SPOCK3: variants seen among roughly 807,000 people sequenced by gnomAD.
SPOCK3 encodes testican-3.
SPOCK3 carries 30 observed loss-of-function variants against 56.6 expected under a neutral mutation model. That is an observed-to-expected ratio of 0.53 (90% CI 0.40 to 0.72). The LOEUF (loss-of-function observed/expected upper bound fraction) is 0.72. SPOCK3 is among the 30% of genes least tolerant of loss of function. The pLI is 0.00. For missense variants in SPOCK3, 527 were observed against 530.0 expected (o/e 0.99, Z 0.06); for synonymous variants, 196 against 183.3 (o/e 1.07, Z -0.56).
At chr4:167,127,676 C>A (rs1352860104) in intron 2 of SPOCK3, among the ~76,000 whole-genome samples, 2 of 152,164 alleles carry the variant, frequency 1.3e-5, no homozygotes, top group African/African-American at 4.8e-5. Context: ...GATCCACTCA[C>A]CTCGGCCTCC....
At chr4:166,931,305 A>G (rs1739732326) in intron 4 of SPOCK3, among the ~76,000 whole-genome samples, 1 of 149,984 alleles carries the variant, frequency 6.7e-6, no homozygotes, top group Admixed American at 6.6e-5. Context: ...CTATATGCAT[A>G]CAAACACACT....
chr4:166,794,771 T>C (rs943010431), intron 6 of SPOCK3, among the ~76,000 whole-genome samples: 26 of 151,602 alleles, frequency 1.7e-4, no homozygotes, highest in Non-Finnish European at 3.4e-4. Flanking sequence ...GTCTCCTGAG[T>C]AGCTGGGATT....
intron 4 of SPOCK3, among the ~76,000 whole-genome samples, chr4:166,948,520 C>T (rs1478902092): frequency 6.6e-6 from 1 of 152,100 alleles, no homozygotes; most frequent in African/African-American, 2.4e-5. Flanking sequence ...TCCTCACCAA[C>T]ATTTTTTTTT....
intron 8 of SPOCK3, among the ~76,000 whole-genome samples, chr4:166,752,615 T>G (rs558073412): frequency 6.7e-6 from 1 of 148,532 alleles, no homozygotes; most frequent in South Asian, 2.1e-4. Flanking sequence ...CACACACACA[T>G]ATATTTATAG....
At chr4:166,949,261 T>C (rs1478933383) in intron 4 of SPOCK3, among the ~76,000 whole-genome samples, 1 of 152,132 alleles carries the variant, frequency 6.6e-6, no homozygotes, top group Admixed American at 6.5e-5. Context: ...TTTTTCAAAG[T>C]TTTTAACTTC....
chr4:166,909,317 T>C (rs1736993550), intron 5 of SPOCK3, among the ~76,000 whole-genome samples: 1 of 152,100 alleles, frequency 6.6e-6, no homozygotes, highest in African/African-American at 2.4e-5. Flanking sequence ...ATCTTAGTTA[T>C]ATCATTTGGC....
intron 2 of SPOCK3, among the ~76,000 whole-genome samples, chr4:167,162,790 T>C (rs1411418138): frequency 6.6e-6 from 1 of 152,010 alleles, no homozygotes; most frequent in Non-Finnish European, 1.5e-5. Context: ...ATTTTAAATA[T>C]GAGGGTAATT....
At chr4:167,147,205 T>C (rs1487437684) in intron 2 of SPOCK3, among the ~76,000 whole-genome samples, 2 of 151,954 alleles carry the variant, frequency 1.3e-5, no homozygotes, top group African/African-American at 4.8e-5. Flanking sequence ...AATTAGAAAA[T>C]CTATAAGAAA....
intron 2 of SPOCK3, among the ~76,000 whole-genome samples, chr4:167,226,472 A>T (rs1262502774): frequency 6.6e-6 from 1 of 152,158 alleles, no homozygotes; most frequent in Non-Finnish European, 1.5e-5. Flanking sequence ...ATCAGAGGAC[A>T]CGGGGATGGA....
intron 5 of SPOCK3, 81 bp downstream of exon 5, chr4:166,912,539 A>T (rs932187657): frequency 1.5e-6 from 2 of 1,310,094 alleles, no homozygotes; most frequent in African/African-American, 3.0e-5. Flanking sequence ...GAATTATCAC[A>T]TTGGATAAGC....
chr4:166,841,623 T>C (rs1214541202), intron 6 of SPOCK3, among the ~76,000 whole-genome samples: 3 of 151,638 alleles, frequency 2.0e-5, no homozygotes, highest in Non-Finnish European at 4.4e-5. Context: ...CTTTCATTTC[T>C]TACTATGGAA....
intron 6 of SPOCK3, among the ~76,000 whole-genome samples, chr4:166,809,279 C>T (rs1430207050): frequency 6.6e-6 from 1 of 151,762 alleles, no homozygotes; most frequent in Non-Finnish European, 1.5e-5. Context: ...TATAAAGTGT[C>T]AGTGTGGACA....
intron 6 of SPOCK3, among the ~76,000 whole-genome samples, chr4:166,862,812 A>G (rs1731380180): frequency 1.3e-5 from 2 of 152,176 alleles, no homozygotes; most frequent in East Asian, 1.9e-4. Flanking sequence ...ATGTTTACTC[A>G]TTGGTTTTAT....
At chr4:167,173,449 G>T (rs1730682867) in intron 2 of SPOCK3, among the ~76,000 whole-genome samples, 1 of 152,074 alleles carries the variant, frequency 6.6e-6, no homozygotes, top group African/African-American at 2.4e-5. Context: ...AGAAGTGTTA[G>T]TCTTTTTCCC....
chr4:166,990,653 G>A (rs1189819741), intron 4 of SPOCK3, among the ~76,000 whole-genome samples: 2 of 152,008 alleles, frequency 1.3e-5, no homozygotes, highest in African/African-American at 2.4e-5. Context: ...TGACTAGGAG[G>A]AGGTTTAGCT....
At chr4:166,743,642 A>T (rs1401412995) in intron 8 of SPOCK3, among the ~76,000 whole-genome samples, 1 of 152,190 alleles carries the variant, frequency 6.6e-6, no homozygotes, top group African/African-American at 2.4e-5. Flanking sequence ...GTATGAGCCG[A>T]AGCAGGGCGG....
chr4:167,212,567 A>G (rs1734987133), intron 2 of SPOCK3, among the ~76,000 whole-genome samples: 1 of 152,160 alleles, frequency 6.6e-6, no homozygotes, highest in South Asian at 2.1e-4. Flanking sequence ...ACCTCTGAAT[A>G]TAGACAGAAA....
chr4:166,957,879 G>A (rs1157665779), intron 4 of SPOCK3, among the ~76,000 whole-genome samples: 1 of 152,152 alleles, frequency 6.6e-6, no homozygotes, highest in Non-Finnish European at 1.5e-5. Context: ...CTCATAGGTG[G>A]AAGAGATTAG....
chr4:167,110,908 T>G lies in SPOCK3; in HGVS notation c.190-48371A>C, dbSNP rs182682777. On this transcript the variant is annotated intron_variant, in intron 2 of 10. Coordinates refer to ENST00000357545, the MANE Select transcript of SPOCK3 (RefSeq NM_001040159.2). ...TATTATACTGGTTGAGAGATTTTAT[T>G]GTTTACTTTCTTTCATTTTTTTGAA... is the stretch of plus-strand genomic sequence containing the variant. Among the ~76,000 whole-genome samples, 580 of 152,162 alleles carry G rather than the reference T, an allele frequency of 3.8e-3. 4 individuals carry two copies. Among genetic ancestry groups the G allele is most frequent in the African/African-American group, 0.013 (539 of 41,552 alleles).
Sources: gnomAD v4.1 joint callset for allele counts (sites outside exome capture counted in the v4.1 genomes callset) on GRCh38, gnomAD v4.1.1 for gene constraint, MANE v1.5 for transcripts, NCBI Gene and HGNC (gene_info 2026-07-23, HGNC 2026-07-21) for gene names.